Variants in ULK4 observed in about 807,000 individuals in gnomAD.
ULK4 encodes the protein unc-51 like kinase 4, also known as inactive serine/threonine-protein kinase ULK4.
Under a neutral mutation model 160.6 loss-of-function variants are expected in ULK4, and 133 were observed. That is an observed-to-expected ratio of 0.83 (90% CI 0.72 to 0.96). The LOEUF is 0.96. Among genes scored for constraint, ULK4 ranks in the 40% least tolerant of loss-of-function variants. ULK4 has a pLI of 0.00. For missense variants in ULK4, 1,580 were observed against 1,499.5 expected (o/e 1.05, Z -0.89); for synonymous variants, 534 against 539.8 (o/e 0.99, Z 0.15).
chr3:41,957,874 A>T (rs1341694529), intron 1 of ULK4, among the ~76,000 whole-genome samples: 1 of 151,920 alleles, frequency 6.6e-6, no homozygotes, highest in Admixed American at 6.6e-5. Flanking sequence ...TCTCTACAAG[A>T]TATTTAAAAA....
intron 35 of ULK4, among the ~76,000 whole-genome samples, chr3:41,366,465 A>G (rs924003397): frequency 2.0e-5 from 3 of 152,038 alleles, no homozygotes; most frequent in Admixed American, 6.6e-5. Context: ...TATTTATTTG[A>G]TCTAAGTAAA....
chr3:41,853,897 T>C (rs575150383), intron 17 of ULK4, among the ~76,000 whole-genome samples: 2 of 152,314 alleles, frequency 1.3e-5, no homozygotes, highest in South Asian at 4.1e-4. Flanking sequence ...AACATGCATG[T>C]TTACTTTCCA....
At chr3:41,519,024 AGAGGCC>A (rs1296751225) in intron 32 of ULK4, among the ~76,000 whole-genome samples, 3 of 152,216 alleles carry the variant, frequency 2.0e-5, no homozygotes. Context: ...AAGGGGCTCT[AGAGGCC>A]ATAAGCCCAC....
chr3:41,606,923 T>C (rs956939626), intron 31 of ULK4, among the ~76,000 whole-genome samples: 1 of 152,174 alleles, frequency 6.6e-6, no homozygotes, highest in Admixed American at 6.5e-5. Context: ...CTCTTCGTCC[T>C]GTTTATTGTT....
chr3:41,856,612 TATAC>T (rs1375127215), intron 17 of ULK4, among the ~76,000 whole-genome samples: 3 of 85,368 alleles, frequency 3.5e-5, no homozygotes, highest in African/African-American at 6.6e-5. Flanking sequence ...TGTGTATATA[TATAC>T]ACATATATAT....
chr3:41,279,393 A>G (rs1254786054), intron 35 of ULK4, among the ~76,000 whole-genome samples: 9 of 152,188 alleles, frequency 5.9e-5, no homozygotes, highest in African/African-American at 2.2e-4. Context: ...TCTTCAGGAT[A>G]TTATCCAGTA....
intron 17 of ULK4, among the ~76,000 whole-genome samples, chr3:41,867,678 G>A (rs778848699): frequency 7.9e-5 from 12 of 152,176 alleles, no homozygotes; most frequent in Admixed American, 1.3e-4. Flanking sequence ...CGCCCAGCCT[G>A]ACAATCTGTG....
chr3:41,279,255 T>TAAAAAAAAAAAAAAAAAAAAAAAAAGA (rs771175184), intron 35 of ULK4, among the ~76,000 whole-genome samples: 3 of 43,066 alleles, frequency 7.0e-5, no homozygotes, highest in East Asian at 5.4e-4. Flanking sequence ...AAAAAAAGAG[T>TAAAAAAAAAAAAAAAAAAAAAAAAAGA]AAAAAAAAAA....
intron 12 of ULK4, among the ~76,000 whole-genome samples, chr3:41,906,645 CAATA>C (rs1224171704): frequency 6.6e-6 from 1 of 151,692 alleles, no homozygotes; most frequent in Non-Finnish European, 1.5e-5. Flanking sequence ...AATTATTTGA[CAATA>C]AAAAGGAATC....
intron 36 of ULK4, 138 bp from the exon 37 acceptor site, chr3:41,247,130 G>A (rs2078660565): frequency 2.4e-6 from 2 of 839,620 alleles, no homozygotes; most frequent in Non-Finnish European, 3.8e-6. Context: ...AGCAGAAGCA[G>A]GAAATCCTGG....
At chr3:41,831,745 T>C (rs1311982435) in intron 18 of ULK4, among the ~76,000 whole-genome samples, 1 of 151,812 alleles carries the variant, frequency 6.6e-6, no homozygotes, top group East Asian at 1.9e-4. Context: ...TTCCCCTCCC[T>C]GTGTCCATGT....
intron 35 of ULK4, among the ~76,000 whole-genome samples, chr3:41,278,881 A>G (rs1008065870): frequency 4.6e-5 from 7 of 152,078 alleles, no homozygotes; most frequent in Non-Finnish European, 1.5e-5. Flanking sequence ...AAACCAGAGC[A>G]CCTCTTCTCC....
intron 31 of ULK4, among the ~76,000 whole-genome samples, chr3:41,615,199 TG>T (rs199713483): frequency 0.021 from 3,193 of 152,120 alleles, 42 homozygotes; most frequent in Non-Finnish European, 0.032. Flanking sequence ...AACAGAAAAA[TG>T]GTGTATGGAA....
chr3:41,552,029 A>C (rs2087087568), intron 32 of ULK4, among the ~76,000 whole-genome samples: 1 of 152,078 alleles, frequency 6.6e-6, no homozygotes, highest in Admixed American at 6.6e-5. Flanking sequence ...ATCTCAAAGA[A>C]TGCAGAAAAG....
intron 32 of ULK4, among the ~76,000 whole-genome samples, chr3:41,476,337 G>A (rs1198615555): frequency 6.6e-6 from 1 of 152,154 alleles, no homozygotes; most frequent in African/African-American, 2.4e-5. Context: ...TTTTGGTATG[G>A]AGGGGAGAAA....
At chr3:41,454,398 G>C (rs1006576193) in intron 34 of ULK4, among the ~76,000 whole-genome samples, 1 of 150,874 alleles carries the variant, frequency 6.6e-6, no homozygotes, top group African/African-American at 2.4e-5. Flanking sequence ...AAATTAGCTG[G>C]GCGTGGTGGT....
chr3:41,505,231 T>C (rs2085336694), intron 32 of ULK4, among the ~76,000 whole-genome samples: 2 of 152,194 alleles, frequency 1.3e-5, no homozygotes, highest in South Asian at 4.1e-4. Flanking sequence ...ATAAATACCC[T>C]GTAGCTCAAA....
At chr3:41,249,614 C>T (rs539914004) in intron 35 of ULK4, 40 bp from the exon 36 acceptor site, 14 of 1,592,536 alleles carry the variant, frequency 8.8e-6, no homozygotes, top group African/African-American at 4.0e-5. Flanking sequence ...TCAGCTGACC[C>T]GTCCCTGACT....
At chr3:41,327,864 GA>G (rs2080366876) in intron 35 of ULK4, among the ~76,000 whole-genome samples, 1 of 152,240 alleles carries the variant, frequency 6.6e-6, no homozygotes, top group Non-Finnish European at 1.5e-5. Context: ...CAGGCAGAGG[GA>G]AAGCTTAAGA....
Sources: allele counts gnomAD v4.1 joint callset (sites outside exome capture counted in the v4.1 genomes callset), GRCh38; gene constraint gnomAD v4.1.1; transcripts MANE v1.5; gene names NCBI Gene and HGNC (gene_info 2026-07-23, HGNC 2026-07-21).